The following PDSS1 variants were observed in gnomAD, a reference collection of about 807,000 sequenced individuals.
PDSS1 encodes decaprenyl diphosphate synthase subunit 1.
In PDSS1, 43 loss-of-function variants were observed where a neutral mutation model predicts 57.5. The observed-to-expected ratio is 0.75, with a 90% CI of 0.59 to 0.96. PDSS1 has a LOEUF of 0.96. Ranked by LOEUF, PDSS1 falls within the 50% of genes least tolerant of loss-of-function variation. PDSS1 has a pLI of 0.00. For synonymous variants in PDSS1, 175 were observed against 191.3 expected (o/e 0.91, Z 0.70); for missense variants, 438 against 527.8 (o/e 0.83, Z 1.67).
chr10:26,723,133 G>A (rs924726476), intron 6 of PDSS1, among the ~76,000 whole-genome samples: 18 of 152,124 alleles, frequency 1.2e-4, no homozygotes, highest in Non-Finnish European at 1.6e-4. Flanking sequence ...GGTACGCAAG[G>A]TGTGATGGTC....
chr10:26,746,471 T>TGAC lies in PDSS1; in HGVS notation c.1247_*1dup, dbSNP rs1348588004. On this transcript the variant is annotated inframe_insertion and stop_retained_variant, in exon 12 of 12. Coordinates refer to ENST00000376215, the MANE Select transcript of PDSS1 (RefSeq NM_014317.5). ...AGAAATTGTACTCACAAGAGATAAA[T>TGAC]GACAACTCTTTCTGTTCTTTCTGGC... 6.2e-7 allele frequency: 1 copy of TGAC among 1,614,052 alleles called. No individual in the cohort carries two copies. The highest frequency in any genetic ancestry group is 1.3e-5 in the African/African-American group (1 of 75,060).
chr10:26,706,584 A>AT (rs1835225793), intron 4 of PDSS1, among the ~76,000 whole-genome samples: 1 of 152,024 alleles, frequency 6.6e-6, no homozygotes, highest in Non-Finnish European at 1.5e-5. Context: ...TTCCATATCC[A>AT]TTGGGTGTTC....
At position 26,702,364 on chromosome 10, in the gene PDSS1, T is replaced by C. The variant is rs144859638; in HGVS notation, c.162+170T>C. Among the ~76,000 whole-genome samples the C allele has an allele frequency of 5.0e-3, 764 of 152,268 alleles. 5 individuals carry two copies. Among genetic ancestry groups the C allele is most frequent in the African/African-American group, 0.017 (720 of 41,550 alleles). On this transcript the variant is annotated intron_variant, in intron 2 of 11. Coordinates refer to ENST00000376215, the MANE Select transcript of PDSS1 (RefSeq NM_014317.5). The stretch of plus-strand genomic sequence containing the variant: ...GTCTCTACCCAAATCTCATCTCAAA[T>C]TTTAATCCCCATGTGTCAAAGGAGG...
intron 5 of PDSS1, among the ~76,000 whole-genome samples, chr10:26,719,886 A>G (rs961762344): frequency 4.6e-5 from 7 of 152,238 alleles, no homozygotes; most frequent in African/African-American, 1.4e-4. Context: ...TTGTAAACTT[A>G]TAAACTTAAA....
intron 1 of PDSS1, chr10:26,701,786 G>A: frequency 2.2e-6 from 1 of 454,026 alleles, no homozygotes; most frequent in South Asian, 1.6e-5. Flanking sequence ...GCTGTGAAAG[G>A]AGGGCCACCG....
chr10:26,720,107 C>A, intron 5 of PDSS1, 111 bp from the exon 6 acceptor site: 1 of 1,502,006 alleles, frequency 6.7e-7, no homozygotes, highest in Non-Finnish European at 9.1e-7. Flanking sequence ...TACCGTTTCT[C>A]TTAGAGAAAT....
chr10:26,716,746 C>T (rs377000928), intron 5 of PDSS1, among the ~76,000 whole-genome samples: 1 of 152,000 alleles, frequency 6.6e-6, no homozygotes, highest in African/African-American at 2.4e-5. Context: ...AAAGTCCTGA[C>T]AGGCATGCTG....
At chr10:26,723,100 T>C (rs564098064) in intron 6 of PDSS1, among the ~76,000 whole-genome samples, 25 of 152,200 alleles carry the variant, frequency 1.6e-4, no homozygotes, top group African/African-American at 6.0e-4. Flanking sequence ...CCTGGGAGCA[T>C]AGAGACTAGA....
rs766719266 is a variant in PDSS1 at position 26,735,301 on chromosome 10, A to G, written c.893A>G (p.Asn298Ser). The G allele has an allele frequency of 6.2e-7, 1 of 1,611,752 alleles. No homozygotes were observed. The highest frequency in any genetic ancestry group is 1.3e-5 in the African/African-American group (1 of 74,886). The change falls in exon 9 of 12, where the codon AAT becomes AGT. Residue 298 changes from asparagine (N) to serine (S), a missense_variant. Transcript: ENST00000376215. ...GAGATCGCCTATCAGTACGGAAAAA[A>G]TGTAGGAATAGCTTTTCAGGTTAGT... is the stretch of plus-strand genomic sequence containing the variant. ...VHEIAYQYGK[N>S]VGIAFQLIDD... is the part of the protein sequence containing the mutation.
intron 8 of PDSS1, among the ~76,000 whole-genome samples, chr10:26,731,233 C>T (rs12246524): frequency 0.06 from 9,169 of 151,812 alleles, 744 homozygotes; most frequent in African/African-American, 0.18. Context: ...CCCAGCTACT[C>T]GGGAGGCTGA....
At chr10:26,697,944 G>C (rs1834921707) in intron 1 of PDSS1, 104 bp downstream of exon 1, 3 of 1,056,798 alleles carry the variant, frequency 2.8e-6, no homozygotes, top group Non-Finnish European at 3.6e-6. Context: ...TCGCGACGCG[G>C]GGGCGCGCGG....
intron 8 of PDSS1, chr10:26,734,546 T>G: frequency 2.6e-6 from 1 of 380,456 alleles, no homozygotes; most frequent in South Asian, 2.0e-5. Flanking sequence ...GTCTTATTTC[T>G]CCCCCATTGA....
chr10:26,738,678 A>G (rs1836482916), intron 10 of PDSS1, among the ~76,000 whole-genome samples: 1 of 152,320 alleles, frequency 6.6e-6, no homozygotes, highest in East Asian at 1.9e-4. Context: ...CTGGACCAGG[A>G]CAAGCATTCT....
chr10:26,746,496 C>CAGCT lies in PDSS1; in HGVS notation c.*25_*28dup. On this transcript the variant is annotated 3_prime_UTR_variant, in exon 12 of 12. Coordinates refer to ENST00000376215, the MANE Select transcript of PDSS1 (RefSeq NM_014317.5). ...TGACAACTCTTTCTGTTCTTTCTGGCAGCTATCTTACCAGACTGTGCCTAA... is the reference window on the plus strand; with the variant it reads ...TGACAACTCTTTCTGTTCTTTCTGGCAGCTAGCTATCTTACCAGACTGTGCCTAA... 6.2e-7 allele frequency: 1 copy of CAGCT among 1,612,348 alleles called. No individual in the cohort carries two copies. The highest frequency in any genetic ancestry group is 1.1e-5 in the South Asian group (1 of 91,048).
intron 5 of PDSS1, chr10:26,719,986 G>C (rs1588686564): frequency 1.7e-6 from 1 of 578,276 alleles, no homozygotes; most frequent in South Asian, 2.1e-5. Flanking sequence ...TTTGGCTAAT[G>C]GTACAATTTC....
At position 26,742,486 on chromosome 10, in the gene PDSS1, T is replaced by C. The variant is rs142244210; in HGVS notation, c.1027-11T>C. 199 of 1,598,986 alleles carry C rather than the reference T, an allele frequency of 1.2e-4. No homozygotes were observed. The African/African-American group carries it at 2.4e-3, about 19-fold the overall frequency. On this transcript the variant is annotated splice_polypyrimidine_tract_variant and intron_variant, in intron 10 of 11. Transcript: ENST00000376215. The stretch of plus-strand genomic sequence containing the variant: ...ATAGATTTTCTCAGATTTTCTCTCT[T>C]TTTTTGTTAGTTCCCAGAAATGAAT...
At chr10:26,700,648 C>A (rs1835023651) in intron 1 of PDSS1, among the ~76,000 whole-genome samples, 1 of 152,050 alleles carries the variant, frequency 6.6e-6, no homozygotes. Flanking sequence ...ATTCTGTCTC[C>A]TGCCGCCTTG....
chr10:26,728,306 A>G lies in PDSS1; in HGVS notation c.831+4183A>G, dbSNP rs1836034503. Among the ~76,000 whole-genome samples, 3 of 152,180 alleles carry G rather than the reference A, an allele frequency of 2.0e-5. No individual in the cohort carries two copies. In the South Asian group the frequency reaches 6.2e-4, roughly 32 times the overall value. On this transcript the variant is annotated intron_variant, in intron 8 of 11. Coordinates refer to ENST00000376215, the MANE Select transcript of PDSS1 (RefSeq NM_014317.5). ...CAAGAGTTTGACAAGCGTGGCCAAC[A>G]TAGTGAAACCATGTCTCTACTAAAA...
At chr10:26,713,195 G>T (rs1835451292) in intron 5 of PDSS1, among the ~76,000 whole-genome samples, 1 of 110,992 alleles carries the variant, frequency 9.0e-6, no homozygotes. Context: ...CGGAGGCTGG[G>T]GCAAGAGAAT....
Sources: gnomAD v4.1 joint callset for allele counts (sites outside exome capture counted in the v4.1 genomes callset) on GRCh38, gnomAD v4.1.1 for gene constraint, MANE v1.5 for transcripts, NCBI Gene and HGNC (gene_info 2026-07-23, HGNC 2026-07-21) for gene names.